The following NCOR1 variants were observed in gnomAD, a reference collection of about 807,000 sequenced individuals.
NCOR1 encodes the protein nuclear receptor corepressor 1, also known as protein phosphatase 1, regulatory subunit 109.
A neutral mutation model predicts 288.1 loss-of-function variants in NCOR1; 63 were observed. The observed-to-expected ratio is 0.22, with a 90% CI of 0.18 to 0.27. The LOEUF is 0.27. NCOR1 is among the 10% of genes least tolerant of loss of function. The probability of loss-of-function intolerance (pLI) is 1.00; values close to 1 mark genes in which losing one functional copy is unlikely to be tolerated. For missense variants in NCOR1, 2,397 were observed against 3,019.2 expected, an observed-to-expected ratio of 0.79 and a Z score of 4.83; for synonymous variants, 1,007 against 1,065.9, an observed-to-expected ratio of 0.94 and a Z score of 1.08.
chr17:16,054,701 G>T (rs1236631685), intron 40 of NCOR1, among the ~76,000 whole-genome samples: 1 of 152,100 alleles, frequency 6.6e-6, no homozygotes, highest in Admixed American at 6.6e-5. Flanking sequence ...AAGCTGAGGT[G>T]GGTAGATCAG....
At chr17:16,142,166 G>C (rs1357023985) in intron 11 of NCOR1, among the ~76,000 whole-genome samples, 2 of 152,160 alleles carry the variant, frequency 1.3e-5, no homozygotes, top group South Asian at 2.1e-4. Flanking sequence ...GTAAAGGGTA[G>C]AGCAGAGGAA....
In NCOR1 at chr17:16,063,465, G is replaced by A. The variant is rs1353566104; in HGVS notation, c.5221+603C>T. Among the ~76,000 whole-genome samples, 4 of 152,146 alleles carry A rather than the reference G, an allele frequency of 2.6e-5. No individual in the cohort carries two copies. In the East Asian group the frequency reaches 5.8e-4, roughly 22 times the overall value. On this transcript the variant is annotated intron_variant, in intron 35 of 45. Transcript: ENST00000268712. ...CCTGAGTAGCTGGGATTATAGGCATGAGCCACCATGCCCAGCTTATCTGAG... is the reference window on the plus strand; with the variant it reads ...CCTGAGTAGCTGGGATTATAGGCATAAGCCACCATGCCCAGCTTATCTGAG...
At position 16,030,353 on chromosome 17, in the gene NCOR1, C is replaced by T. The variant is rs570582021; in HGVS notation, c.*1943G>A. 37 of 218,430 alleles carry T rather than the reference C, an allele frequency of 1.7e-4. No homozygotes were observed. The highest frequency in any genetic ancestry group is 4.1e-4 in the Admixed American group (7 of 17,226). 13.5% of individuals were successfully genotyped at this position (218,430 alleles called of 1,614,324 possible). A position where few individuals can be genotyped will look rare whatever the true frequency, so the allele number is the denominator to read the frequency against. ...TAAGTGGACCCACACAGTTCAAACC[C>T]GTGTTGTTCAAGGGTCAACTGTATT... On this transcript the variant is annotated 3_prime_UTR_variant, in exon 46 of 46. Transcript: ENST00000268712.
chr17:16,148,124 T>C, intron 9 of NCOR1, among the ~76,000 whole-genome samples: 1 of 152,180 alleles, frequency 6.6e-6, no homozygotes, highest in African/African-American at 2.4e-5. Flanking sequence ...CCCCGCTAAA[T>C]GCAAACTCTT....
At chr17:16,111,631 TA>T (rs1038583455) in intron 18 of NCOR1, among the ~76,000 whole-genome samples, 58 of 143,358 alleles carry the variant, frequency 4.0e-4, no homozygotes, top group African/African-American at 5.4e-4. Flanking sequence ...AAATTAAAAT[TA>T]AAAAAAAAAA....
chr17:16,143,726 T>C, intron 10 of NCOR1, 30 bp from the exon 11 acceptor site: 3 of 1,487,614 alleles, frequency 2.0e-6, no homozygotes, highest in South Asian at 1.2e-5. Flanking sequence ...TAAAAATATA[T>C]TTAAAGACCT....
At chr17:16,166,513 T>A (rs1451752128) in intron 4 of NCOR1, among the ~76,000 whole-genome samples, 1 of 152,056 alleles carries the variant, frequency 6.6e-6, no homozygotes, top group Non-Finnish European at 1.5e-5. Context: ...ACCCCGTCTC[T>A]ACTAAAAAAT....
At chr17:16,181,211 A>ATGTATGTATGTATGTATGTGTG (rs758395387) in intron 3 of NCOR1, among the ~76,000 whole-genome samples, 2 of 139,498 alleles carry the variant, frequency 1.4e-5, no homozygotes, top group Non-Finnish European at 3.1e-5. Context: ...ATATATATGT[A>ATGTATGTATGTATGTATGTGTG]TGTGTGTGTG....
chr17:16,199,326 A>C (rs184261268), intron 1 of NCOR1, among the ~76,000 whole-genome samples: 29 of 152,076 alleles, frequency 1.9e-4, no homozygotes, highest in African/African-American at 6.7e-4. Context: ...CATGAACTGC[A>C]GCCTGGAGAC....
intron 42 of NCOR1, chr17:16,044,642 GCCTGCA>G (rs1439728680): frequency 1.6e-6 from 1 of 637,498 alleles, no homozygotes; most frequent in Non-Finnish European, 3.0e-6. Flanking sequence ...CTCCGAGCTC[GCCTGCA>G]TCTACTCAGC....
chr17:16,050,839 T>A (rs1021503162), intron 40 of NCOR1, among the ~76,000 whole-genome samples: 15 of 152,242 alleles, frequency 9.9e-5, no homozygotes, highest in African/African-American at 3.6e-4. Context: ...TTTTTATTTT[T>A]ATTTTTATTT....
intron 4 of NCOR1, among the ~76,000 whole-genome samples, chr17:16,170,124 T>TGTGTGTGTGA (rs1204171190): frequency 1.3e-5 from 2 of 152,044 alleles, no homozygotes; most frequent in Admixed American, 1.3e-4. Flanking sequence ...TGTGTGTGTG[T>TGTGTGTGTGA]GTGTGTGTGT....
intron 9 of NCOR1, 45 bp from the exon 10 acceptor site, chr17:16,146,593 T>A (rs548014761): frequency 6.8e-7 from 1 of 1,476,374 alleles, no homozygotes; most frequent in African/African-American, 1.4e-5. Context: ...AACTAAACTC[T>A]GATTCTGACA....
intron 2 of NCOR1, 64 bp downstream of exon 2, chr17:16,194,398 T>C: frequency 2.6e-6 from 3 of 1,133,488 alleles, no homozygotes; most frequent in Non-Finnish European, 3.8e-6. Flanking sequence ...ACATGTGTAT[T>C]AAATAGGAAA....
intron 22 of NCOR1, chr17:16,087,223 T>A (rs781050657): frequency 2.5e-5 from 33 of 1,304,146 alleles, no homozygotes; most frequent in Non-Finnish European, 3.3e-5. Context: ...GGAGCGGCTT[T>A]ACTGACTTCT....
intron 4 of NCOR1, among the ~76,000 whole-genome samples, chr17:16,168,123 A>G (rs2082380127): frequency 6.6e-6 from 1 of 152,202 alleles, no homozygotes; most frequent in African/African-American, 2.4e-5. Flanking sequence ...AAAAACAATC[A>G]TTCATCAAAT....
Position 16,127,563 on chromosome 17 carries a change from ATG to A in NCOR1, c.1510-1359_1510-1358del, listed in dbSNP as rs1241762627. On this transcript the variant is annotated intron_variant, in intron 14 of 45. Coordinates refer to ENST00000268712, the MANE Select transcript of NCOR1 (RefSeq NM_006311.4). ...CATGTATATATACACATGTGTATAT[ATG>A]TATGTATATATACATATGTGTATAT... 9.9e-4 allele frequency among the ~76,000 whole-genome samples: 137 copies of A among 138,580 alleles called. 9 individuals are homozygous for A. Among genetic ancestry groups the A allele is most frequent in the Non-Finnish European group, 2.4e-4 (16 of 65,658 alleles). The allele number at this position is 138,580 out of a possible 152,430, so 90.9% of individuals were successfully genotyped here.
intron 7 of NCOR1, among the ~76,000 whole-genome samples, chr17:16,152,823 C>T (rs1281756457): frequency 6.6e-6 from 1 of 152,062 alleles, no homozygotes; most frequent in African/African-American, 2.4e-5. Flanking sequence ...CTGTTGTTTC[C>T]TGACTTTTTA....
In NCOR1 at chr17:16,164,964, A is replaced by C. The variant is rs200739355; in HGVS notation, c.618+15T>G. The C allele has an allele frequency of 6.5e-7, 1 of 1,535,350 alleles. No individual in the cohort carries two copies. The highest frequency in any genetic ancestry group is 2.1e-5 in the Admixed American group (1 of 47,474). On this transcript the variant is annotated intron_variant, in intron 5 of 45. Coordinates refer to ENST00000268712, the MANE Select transcript of NCOR1 (RefSeq NM_006311.4). ...AAACATACATTCTTAGAATATATTA[A>C]GCAAAGACATTTACTTGTTTCTTTT...
Sources: gnomAD v4.1 joint callset for allele counts (sites outside exome capture counted in the v4.1 genomes callset) on GRCh38, gnomAD v4.1.1 for gene constraint, MANE v1.5 for transcripts, NCBI Gene and HGNC (gene_info 2026-07-23, HGNC 2026-07-21) for gene names.